Variants in DHX37 observed in about 807,000 individuals in gnomAD.
DHX37 encodes probable ATP-dependent RNA helicase DHX37.
Under a neutral mutation model 134.3 loss-of-function variants are expected in DHX37, and 52 were observed. That is an observed-to-expected ratio of 0.39 (90% CI 0.31 to 0.49). DHX37 has a LOEUF of 0.49. Ranked by LOEUF, DHX37 falls within the 20% of genes least tolerant of loss-of-function variation. The probability of loss-of-function intolerance (pLI) is 0.93; values close to 1 mark genes in which losing one functional copy is unlikely to be tolerated. For missense variants in DHX37, 1,344 were observed against 1,580.8 expected, an observed-to-expected ratio of 0.85 and a Z score of 2.54; for synonymous variants, 634 against 670.7, an observed-to-expected ratio of 0.95 and a Z score of 0.85.
intron 3 of DHX37, among the ~76,000 whole-genome samples, chr12:124,981,676 C>A (rs970484727): frequency 1.3e-5 from 2 of 151,878 alleles, no homozygotes; most frequent in African/African-American, 4.8e-5. Flanking sequence ...CTCAGGTGAT[C>A]CACCCGCCTC....
rs531531932 is a variant in DHX37, at chr12:124,974,266, A to G, written c.980+1153T>C. Among the ~76,000 whole-genome samples the G allele has an allele frequency of 1.7e-4, 24 of 137,860 alleles. No homozygotes were observed. The East Asian group carries it at 3.1e-3, about 18-fold the overall frequency. 90.4% of individuals were successfully genotyped at this position (137,860 alleles called of 152,430 possible). A position where few individuals can be genotyped will look rare whatever the true frequency, so the allele number is the denominator to read the frequency against. On this transcript the variant is annotated intron_variant, in intron 6 of 26. Transcript: ENST00000308736. ...ACCGCACCCGGCCACCCAGTCCCCA[A>G]ATTTTTATAATATTTAACAAGTTAA...
At chr12:124,981,057 A>T (rs1594510824) in intron 3 of DHX37, among the ~76,000 whole-genome samples, 1 of 146,066 alleles carries the variant, frequency 6.8e-6, no homozygotes, top group South Asian at 2.2e-4. Context: ...CCCACATCTC[A>T]CCCTTCTCCC....
rs1423531004 is a variant in DHX37 at position 124,964,243 on chromosome 12, A to G, written c.2045+151T>C. The G allele has an allele frequency of 5.1e-6, 6 of 1,174,622 alleles. No homozygotes were observed. In the African/African-American group the frequency reaches 7.9e-5, roughly 16 times the overall value. The allele number at this position is 1,174,622 out of a possible 1,614,324, so 72.8% of individuals were successfully genotyped here. On this transcript the variant is annotated intron_variant, in intron 15 of 26. Transcript: ENST00000308736. Reference sequence around the variant, plus strand: ...TAGTGTGAGTATCTGAAAGCCAGCAAAAGGGCTGGGGAGCACCCCAAAGTC... The same window carrying G: ...TAGTGTGAGTATCTGAAAGCCAGCAGAAGGGCTGGGGAGCACCCCAAAGTC...
At chr12:124,985,805 G>GA (rs1056944479) in intron 2 of DHX37, among the ~76,000 whole-genome samples, 7 of 89,726 alleles carry the variant, frequency 7.8e-5, no homozygotes, top group South Asian at 6.6e-4. Flanking sequence ...AAACAAAAAA[G>GA]AAAAAAAAAT....
rs1953963704 is a variant in DHX37, at chr12:124,950,802, G to A, written c.2871C>T (p.Thr957=). 6.2e-7 allele frequency: 1 copy of A among 1,602,490 alleles called. No homozygotes were observed. The highest frequency in any genetic ancestry group is 8.5e-7 in the Non-Finnish European group (1 of 1,176,804). ...LEDKWRNAYK[T]PLLDDPVFIH... is the part of the protein sequence containing the mutation. Reference sequence around the variant, plus strand: ...TGAAGACAGGGTCGTCGAGGAGAGGGGTCTGCAGAGAATGGAGAGTGATGT... The same window carrying A: ...TGAAGACAGGGTCGTCGAGGAGAGGAGTCTGCAGAGAATGGAGAGTGATGT... The change falls in exon 22 of 27, where the codon ACC becomes ACT. Residue 957 remains threonine (T), a splice_region_variant and synonymous_variant. Coordinates refer to ENST00000308736, the MANE Select transcript of DHX37 (RefSeq NM_032656.4).
rs753934648 is a variant in DHX37, at chr12:124,967,141, A to C, written c.1486T>G (p.Ser496Ala). The C allele has an allele frequency of 2.5e-6, 4 of 1,613,612 alleles. No homozygotes were observed. In the African/African-American group the frequency reaches 4.0e-5, roughly 16 times the overall value. The change falls in exon 11 of 27, where the codon TCC becomes GCC. Residue 496 changes from serine to alanine, a missense_variant. Transcript: ENST00000308736. ...TCTTTACCTTGTGGCCGGGCTCTGG[A>C]GGGTGGGAAAGCCTTCCTGAGCCTG... Reference protein sequence around the residue: ...CRRLRKAFPPSRARPQEKDDD... With the variant: ...CRRLRKAFPPARARPQEKDDD...
chr12:124,953,793 G>A, intron 20 of DHX37, 87 bp downstream of exon 20: 1 of 1,535,504 alleles, frequency 6.5e-7, no homozygotes. Flanking sequence ...TGCAAACGTG[G>A]ACTCTATGGA....
chr12:124,973,432 A>C (rs915213148), intron 6 of DHX37, among the ~76,000 whole-genome samples: 1 of 150,772 alleles, frequency 6.6e-6, no homozygotes, highest in Non-Finnish European at 1.5e-5. Context: ...ATTAGTTCTT[A>C]TCTCTCAGAT....
At chr12:124,953,797 C>G in intron 20 of DHX37, 83 bp downstream of exon 20, 1 of 1,556,116 alleles carries the variant, frequency 6.4e-7, no homozygotes, top group Non-Finnish European at 8.7e-7. Flanking sequence ...AACGTGGACT[C>G]TATGGATCAC....
At chr12:124,973,358 C>T (rs1283894139) in intron 6 of DHX37, among the ~76,000 whole-genome samples, 4 of 150,660 alleles carry the variant, frequency 2.7e-5, no homozygotes, top group African/African-American at 7.3e-5. Context: ...GAGCCAAGAT[C>T]GCACCACTGA....
At chr12:124,984,396 GGT>G (rs1327381884) in intron 2 of DHX37, among the ~76,000 whole-genome samples, 1 of 152,132 alleles carries the variant, frequency 6.6e-6, no homozygotes, top group African/African-American at 2.4e-5. Flanking sequence ...AGCCGGACGT[GGT>G]GGTGCATGCC....
rs765146631 is a variant in DHX37 at position 124,971,290 on chromosome 12, C to T, written c.1191+12G>A. 31 of 1,610,780 alleles carry T rather than the reference C, an allele frequency of 1.9e-5. No individual in the cohort carries two copies. Among genetic ancestry groups the T allele is most frequent in the Non-Finnish European group, 2.6e-5 (31 of 1,179,474 alleles). On this transcript the variant is annotated intron_variant, in intron 8 of 26. Coordinates refer to ENST00000308736, the MANE Select transcript of DHX37 (RefSeq NM_032656.4). ...GGGCTCGGGGCTCCCCAGCACCCGC[C>T]TCCTGCGCTACCTTAGCCCGGAGAG...
intron 12 of DHX37, 96 bp from the exon 13 acceptor site, chr12:124,965,908 C>T (rs757161611): frequency 1.7e-5 from 25 of 1,488,324 alleles, no homozygotes; most frequent in Non-Finnish European, 2.2e-5. Flanking sequence ...ATGGAAGCCC[C>T]GGTCCACACC....
Position 124,964,999 on chromosome 12 carries a change from C to T in DHX37, c.1743G>A (p.Gln581=), listed in dbSNP as rs776481446. 2 of 1,594,484 alleles carry T rather than the reference C, an allele frequency of 1.3e-6. No homozygotes were observed. Among genetic ancestry groups the T allele is most frequent in the South Asian group, 2.3e-5 (2 of 87,112 alleles). The part of the protein sequence containing the change: ...LGDGGQDGGE[Q]PDASLPLHVL... ...CGTGGAGCGGGAGGGAGGCATCCGGCTGCTCACCTGGAGGGAAAGCAGAGG... is the reference window on the plus strand; with the variant it reads ...CGTGGAGCGGGAGGGAGGCATCCGGTTGCTCACCTGGAGGGAAAGCAGAGG... The change falls in exon 14 of 27, where the codon CAG becomes CAA. Residue 581 remains glutamine, a synonymous_variant. Transcript: ENST00000308736.
intron 8 of DHX37, among the ~76,000 whole-genome samples, chr12:124,970,647 C>T (rs1013058230): frequency 2.6e-5 from 4 of 152,206 alleles, no homozygotes; most frequent in East Asian, 3.9e-4. Context: ...TCTGAGTCTG[C>T]GTCCTGCCTG....
At chr12:124,975,250 C>T (rs1451655871) in intron 6 of DHX37, among the ~76,000 whole-genome samples, 169 bp downstream of exon 6, 1 of 152,178 alleles carries the variant, frequency 6.6e-6, no homozygotes, top group African/African-American at 2.4e-5. Flanking sequence ...CCTGCTTGGG[C>T]AGGTCCTGGA....
chr12:124,955,185 A>G (rs534655227), intron 18 of DHX37, among the ~76,000 whole-genome samples: 1 of 152,292 alleles, frequency 6.6e-6, no homozygotes, highest in African/African-American at 2.4e-5. Context: ...ATTAAGCCTT[A>G]TTTCTGGGTG....
chr12:124,983,161 T>G (rs370802185), intron 2 of DHX37, among the ~76,000 whole-genome samples: 131 of 152,132 alleles, frequency 8.6e-4, no homozygotes, highest in African/African-American at 3.0e-3. Context: ...CAGGCTGGAG[T>G]GCAGTGGTGC....
chr12:124,988,609 CGCTGGA>C (rs1954919447), intron 1 of DHX37, among the ~76,000 whole-genome samples: 1 of 151,932 alleles, frequency 6.6e-6, no homozygotes, highest in Admixed American at 6.6e-5. Flanking sequence ...ATTTGGGGGT[CGCTGGA>C]GATTATAAAG....
Sources: gnomAD v4.1 joint callset for allele counts (sites outside exome capture counted in the v4.1 genomes callset) on GRCh38, gnomAD v4.1.1 for gene constraint, MANE v1.5 for transcripts, NCBI Gene and HGNC (gene_info 2026-07-23, HGNC 2026-07-21) for gene names.